UGGT2: variants seen among roughly 807,000 people sequenced by gnomAD.
UGGT2 encodes UDP-glucose glycoprotein glucosyltransferase 2.
Under a neutral mutation model 192.1 loss-of-function variants are expected in UGGT2, and 180 were observed. The observed-to-expected ratio is 0.94, with a 90% CI of 0.83 to 1.06. UGGT2 has a LOEUF of 1.06. Ranked by LOEUF, UGGT2 falls within the 50% of genes least tolerant of loss-of-function variation. UGGT2 has a pLI of 0.00. For missense variants in UGGT2, 1,849 were observed against 1,795.7 expected, an observed-to-expected ratio of 1.03 and a Z score of -0.54; for synonymous variants, 580 against 591.0, an observed-to-expected ratio of 0.98 and a Z score of 0.27.
intron 37 of UGGT2, among the ~76,000 whole-genome samples, chr13:95,833,933 T>C (rs1886998238): frequency 6.6e-6 from 1 of 152,160 alleles, no homozygotes; most frequent in South Asian, 2.1e-4. Flanking sequence ...TCCACTTGCT[T>C]TCCTCTTATT....
intron 5 of UGGT2, among the ~76,000 whole-genome samples, chr13:96,007,084 A>G (rs2052004179): frequency 2.0e-5 from 3 of 152,254 alleles, no homozygotes; most frequent in Admixed American, 2.0e-4. Flanking sequence ...CAACTTAAAA[A>G]GATCATGCAC....
intron 12 of UGGT2, among the ~76,000 whole-genome samples, chr13:95,962,163 C>T (rs2050414249): frequency 6.6e-6 from 1 of 151,884 alleles, no homozygotes; most frequent in Non-Finnish European, 1.5e-5. Context: ...TTTAATGATG[C>T]ATCTCAAGGA....
rs1332339154 is a variant in UGGT2 at position 96,023,133 on chromosome 13, G to C, written c.392C>G (p.Pro131Arg). Residue 131 changes from proline to arginine, a missense_variant, in exon 4 of 39, where the codon CCA becomes CGA. Coordinates refer to ENST00000376747, the MANE Select transcript of UGGT2 (RefSeq NM_020121.4). ...MFQQIAADEP[P>R]PDGCNAFVVI... is the part of the protein sequence containing the mutation. ...CACAAATGCATTACAACCATCTGGT[G>C]GTGGCTCATCAGCTGCAATCTAAGA... The C allele has an allele frequency of 6.3e-7, 1 of 1,587,646 alleles. No homozygotes were observed. Among genetic ancestry groups the C allele is most frequent in the African/African-American group, 1.3e-5 (1 of 74,272 alleles).
intron 20 of UGGT2, among the ~76,000 whole-genome samples, chr13:95,916,800 T>G (rs2048694792): frequency 6.6e-6 from 1 of 151,206 alleles, no homozygotes; most frequent in South Asian, 2.1e-4. Context: ...AGGAAAAAAT[T>G]TCAGAACTTG....
intron 16 of UGGT2, among the ~76,000 whole-genome samples, chr13:95,939,514 G>T: frequency 7.4e-6 from 1 of 134,858 alleles, no homozygotes; most frequent in Non-Finnish European, 1.6e-5. Flanking sequence ...CGAATCTTCT[G>T]GGTTGAGTCT....
At chr13:95,868,172 A>G (rs1390592649) in intron 29 of UGGT2, among the ~76,000 whole-genome samples, 1 of 152,216 alleles carries the variant, frequency 6.6e-6, no homozygotes, top group African/African-American at 2.4e-5. Flanking sequence ...ACATTTTTCC[A>G]AAATGAACAC....
chr13:96,053,136 G>A lies in UGGT2; in HGVS notation c.158+19C>T. ...AGCGCGCCCACACCCGCCCGGACGA[G>A]GGCCCGGCCCGCACCCACCTTGCCT... On this transcript the variant is annotated intron_variant, in intron 1 of 38. Coordinates refer to ENST00000376747, the MANE Select transcript of UGGT2 (RefSeq NM_020121.4). 4 of 1,476,324 alleles carry A rather than the reference G, an allele frequency of 2.7e-6. No individual in the cohort carries two copies. The highest frequency in any genetic ancestry group is 3.6e-6 in the Non-Finnish European group (4 of 1,116,016). 91.5% of individuals were successfully genotyped at this position (1,476,324 alleles called of 1,614,324 possible).
intron 1 of UGGT2, among the ~76,000 whole-genome samples, chr13:96,051,551 AC>A (rs1291358116): frequency 6.6e-6 from 1 of 152,166 alleles, no homozygotes; most frequent in East Asian, 1.9e-4. Flanking sequence ...GAGTAAACAG[AC>A]AACCCACAAA....
rs1261266660 is a variant in UGGT2 at position 95,908,870 on chromosome 13, G to A, written c.2296-5810C>T. On this transcript the variant is annotated intron_variant, in intron 20 of 38. Coordinates refer to ENST00000376747, the MANE Select transcript of UGGT2 (RefSeq NM_020121.4). ...TAGCCCTTTGTCAGATGAGTAGGTT[G>A]CGAAAATTTTCTCCCATTTTGTAGG... 3.3e-3 allele frequency among the ~76,000 whole-genome samples: 417 copies of A among 126,388 alleles called. 3 individuals carry two copies. Among genetic ancestry groups the A allele is most frequent in the African/African-American group, 0.012 (392 of 33,974 alleles). The allele number at this position is 126,388 out of a possible 152,430, so 82.9% of individuals were successfully genotyped here.
At chr13:96,024,170 G>A (rs1370000800) in intron 2 of UGGT2, among the ~76,000 whole-genome samples, 1 of 152,150 alleles carries the variant, frequency 6.6e-6, no homozygotes, top group Non-Finnish European at 1.5e-5. Context: ...ATTCTACTGA[G>A]ATTTAGTGCC....
At chr13:96,023,783 A>G in intron 2 of UGGT2, 24 bp from the exon 3 acceptor site, 1 of 1,566,298 alleles carries the variant, frequency 6.4e-7, no homozygotes, top group African/African-American at 1.4e-5. Context: ...TCAAAAGAAA[A>G]TAAATGTTAG....
chr13:96,000,901 AAAGG>A (rs2051779798), intron 5 of UGGT2, among the ~76,000 whole-genome samples: 1 of 152,230 alleles, frequency 6.6e-6, no homozygotes, highest in African/African-American at 2.4e-5. Context: ...TCCCCCACAA[AAAGG>A]CATATGTTAA....
chr13:95,837,212 A>C lies in UGGT2; in HGVS notation c.4285-10T>G. ...TATTATTGGGGAGATCCTACAGAAA[A>C]TTGTGATTTAATCATAGACGTATGA... On this transcript the variant is annotated splice_polypyrimidine_tract_variant and intron_variant, in intron 36 of 38. Coordinates refer to ENST00000376747, the MANE Select transcript of UGGT2 (RefSeq NM_020121.4). 4 of 1,585,650 alleles carry C rather than the reference A, an allele frequency of 2.5e-6. No homozygotes were observed. The highest frequency in any genetic ancestry group is 3.5e-6 in the Non-Finnish European group (4 of 1,154,544).
chr13:95,910,188 A>C (rs1034334450), intron 20 of UGGT2, among the ~76,000 whole-genome samples: 3 of 152,156 alleles, frequency 2.0e-5, no homozygotes, highest in Non-Finnish European at 4.4e-5. Context: ...ATCAATTAAC[A>C]GGCAAAATAA....
chr13:95,831,600 T>G (rs904221969), intron 38 of UGGT2, among the ~76,000 whole-genome samples: 1 of 152,132 alleles, frequency 6.6e-6, no homozygotes, highest in East Asian at 1.9e-4. Context: ...ATTTTTCTTT[T>G]TTTAAGTTTG....
chr13:95,902,450 T>A (rs2048130759), intron 21 of UGGT2, among the ~76,000 whole-genome samples: 1 of 152,106 alleles, frequency 6.6e-6, no homozygotes, highest in Non-Finnish European at 1.5e-5. Context: ...TTTATCTCCA[T>A]TGTCTCATAA....
At chr13:95,997,039 C>T (rs2140919076) in intron 6 of UGGT2, among the ~76,000 whole-genome samples, 1 of 152,260 alleles carries the variant, frequency 6.6e-6, no homozygotes, top group East Asian at 1.9e-4. Flanking sequence ...CAGAGCTCAG[C>T]AATTACGCTT....
At chr13:95,988,520 C>T (rs1360772688) in intron 8 of UGGT2, among the ~76,000 whole-genome samples, 5 of 152,026 alleles carry the variant, frequency 3.3e-5, no homozygotes, top group Non-Finnish European at 7.4e-5. Context: ...AAACTGTACA[C>T]CAGAAGGGTC....
intron 1 of UGGT2, among the ~76,000 whole-genome samples, chr13:96,045,969 A>T (rs756629702): frequency 2.3e-4 from 35 of 152,220 alleles, no homozygotes; most frequent in Non-Finnish European, 4.0e-4. Flanking sequence ...CATTCTTCAC[A>T]AAACTAGAAA....
Sources: gnomAD v4.1 joint callset for allele counts (sites outside exome capture counted in the v4.1 genomes callset) on GRCh38, gnomAD v4.1.1 for gene constraint, MANE v1.5 for transcripts, NCBI Gene and HGNC (gene_info 2026-07-23, HGNC 2026-07-21) for gene names.